Variants in CLOCK observed in about 807,000 individuals in gnomAD.
The protein encoded by CLOCK is circadian locomoter output cycles protein kaput.
Under a neutral mutation model 118.4 loss-of-function variants are expected in CLOCK, and 43 were observed. The observed-to-expected ratio is 0.36, with a 90% CI of 0.28 to 0.47. The LOEUF (loss-of-function observed/expected upper bound fraction) is 0.47. Among genes scored for constraint, CLOCK ranks in the 20% least tolerant of loss-of-function variants. The pLI is 1.00. For synonymous variants in CLOCK, 326 were observed against 339.2 expected (o/e 0.96, Z 0.43); for missense variants, 846 against 999.9 (o/e 0.85, Z 2.08).
intron 1 of CLOCK, among the ~76,000 whole-genome samples, chr4:55,518,235 A>C (rs1308034806): frequency 1.3e-5 from 2 of 152,178 alleles, no homozygotes; most frequent in African/African-American, 4.8e-5. Flanking sequence ...AAGGAGACAA[A>C]GCAAACGTGA....
At chr4:55,511,140 G>GA (rs1237908085) in intron 1 of CLOCK, among the ~76,000 whole-genome samples, 1 of 152,084 alleles carries the variant, frequency 6.6e-6, no homozygotes, top group Non-Finnish European at 1.5e-5. Flanking sequence ...TGCAGAATGA[G>GA]AAAAAAGTCT....
intron 1 of CLOCK, among the ~76,000 whole-genome samples, chr4:55,519,115 AATC>A (rs1262821677): frequency 6.6e-6 from 1 of 152,024 alleles, no homozygotes; most frequent in Non-Finnish European, 1.5e-5. Flanking sequence ...GCAATGGAGC[AATC>A]ATAATTGACT....
At chr4:55,511,245 CACA>C (rs1163354362) in intron 1 of CLOCK, among the ~76,000 whole-genome samples, 2 of 151,936 alleles carry the variant, frequency 1.3e-5, no homozygotes, top group Non-Finnish European at 2.9e-5. Context: ...ATTCAATCCT[CACA>C]ACATCACTAT....
intron 2 of CLOCK, among the ~76,000 whole-genome samples, chr4:55,503,325 A>G (rs1224756960): frequency 2.0e-5 from 3 of 152,246 alleles, no homozygotes; most frequent in Non-Finnish European, 4.4e-5. Flanking sequence ...AAGATGAACC[A>G]CTGCTACATG....
rs749480764 is a variant in CLOCK at position 55,442,488 on chromosome 4, T to C, written c.2049A>G (p.Pro683=). The part of the protein sequence containing the change: ...GSMVQIPSSM[P]QNSTQSAAVT... ...CTGCAGCACTCTGGGTGCTGTTTTG[T>C]GGCATACTAGATGGAATCTGGACCA... Residue 683 remains proline, a synonymous_variant, in exon 21 of 23, where the codon CCA becomes CCG. Coordinates refer to ENST00000513440, the MANE Select transcript of CLOCK (RefSeq NM_004898.4). 6 of 1,606,356 alleles carry C rather than the reference T, an allele frequency of 3.7e-6. No individual in the cohort carries two copies.
chr4:55,444,038 A>T, intron 19 of CLOCK, 142 bp from the exon 20 acceptor site: 1 of 658,604 alleles, frequency 1.5e-6, no homozygotes, highest in Non-Finnish European at 2.6e-6. Flanking sequence ...TTAGCAATAA[A>T]TAAGTAGTGA....
rs568599459 is a variant in CLOCK, at chr4:55,521,312, G to A, written c.-289-11247C>T. On this transcript the variant is annotated intron_variant, in intron 1 of 22. Transcript: ENST00000513440. The stretch of plus-strand genomic sequence containing the variant: ...CAGCTCACTGCAACCCACACCTCCT[G>A]GGTTCAAGCGATTCTCCTGCCTCAG... Among the ~76,000 whole-genome samples the A allele has an allele frequency of 5.9e-5, 9 of 152,190 alleles. No individual in the cohort carries two copies. In the East Asian group the frequency reaches 1.2e-3, roughly 20 times the overall value.
chr4:55,506,787 C>T (rs1350675728), intron 2 of CLOCK, among the ~76,000 whole-genome samples: 2 of 152,086 alleles, frequency 1.3e-5, no homozygotes, highest in Non-Finnish European at 2.9e-5. Context: ...TCTCAAACTC[C>T]TGACCACAGG....
chr4:55,470,675 G>A, intron 8 of CLOCK, 42 bp downstream of exon 8: 1 of 1,322,304 alleles, frequency 7.6e-7, no homozygotes. Context: ...ATTTAAAATA[G>A]GCATTTTAAT....
At chr4:55,457,076 T>G (rs1339140788) in intron 11 of CLOCK, among the ~76,000 whole-genome samples, 1 of 152,248 alleles carries the variant, frequency 6.6e-6, no homozygotes, top group Admixed American at 6.5e-5. Context: ...CTTCTCACTC[T>G]ACACATTTTC....
chr4:55,470,745 C>T lies in CLOCK; in HGVS notation c.410G>A (p.Ser137Asn), dbSNP rs754677863. The change falls in exon 8 of 23, where the codon AGT becomes AAT. Residue 137 changes from serine to asparagine, a missense_variant. Ser to Asn is a conservative substitution (Grantham distance 46). Around this residue, in one of 4 missense-constraint regions of CLOCK, gnomAD observed 246 missense variants for 300.2 expected, o/e 0.82. Transcript: ENST00000513440. ...TDGSIIYVSE[S>N]VTSLLEHLPS... Reference sequence around the variant, plus strand: ...TAAATGTTCAAGTAATGAAGTTACACTCTCAGACACATATATTATGCTTCC... The same window carrying T: ...TAAATGTTCAAGTAATGAAGTTACATTCTCAGACACATATATTATGCTTCC... 4 of 1,610,288 alleles carry T rather than the reference C, an allele frequency of 2.5e-6. No homozygotes were observed. In the South Asian group the frequency reaches 3.3e-5, roughly 13 times the overall value.
At chr4:55,484,185 A>G (rs1161302633) in intron 3 of CLOCK, among the ~76,000 whole-genome samples, 2 of 131,610 alleles carry the variant, frequency 1.5e-5, no homozygotes, top group Admixed American at 8.3e-5. Flanking sequence ...GGGGCTCAGA[A>G]TATTTTTTTT....
At chr4:55,474,972 G>T (rs191803291) in intron 7 of CLOCK, among the ~76,000 whole-genome samples, 1 of 152,308 alleles carries the variant, frequency 6.6e-6, no homozygotes, top group Non-Finnish European at 1.5e-5. Context: ...GAATAATTTT[G>T]ACTTTCAAGT....
chr4:55,458,172 T>C (rs1554484), intron 11 of CLOCK, among the ~76,000 whole-genome samples: 51,372 of 152,082 alleles, frequency 0.34, 9,374 homozygotes, highest in East Asian at 0.58. Flanking sequence ...ATGATCCTCC[T>C]GCCTCAGCCT....
chr4:55,524,805 G>A (rs1730066431), intron 1 of CLOCK, among the ~76,000 whole-genome samples: 1 of 152,042 alleles, frequency 6.6e-6, no homozygotes, highest in African/African-American at 2.4e-5. Flanking sequence ...TTGCCATAAT[G>A]AGCAGAAATG....
chr4:55,444,272 A>C (rs994840534), intron 19 of CLOCK, among the ~76,000 whole-genome samples: 2 of 152,212 alleles, frequency 1.3e-5, no homozygotes, highest in African/African-American at 4.8e-5. Context: ...TTTGAATCAT[A>C]CATACTGGTA....
chr4:55,503,249 T>C (rs182047429), intron 2 of CLOCK, among the ~76,000 whole-genome samples: 1 of 152,256 alleles, frequency 6.6e-6, no homozygotes, highest in African/African-American at 2.4e-5. Context: ...ACACCCCAAA[T>C]GTTCATCACA....
Position 55,445,582 on chromosome 4 carries a change from C to CTTTTTTTTTTTTTTTTTTTTTTTT in CLOCK, c.1540-821_1540-798dup, listed in dbSNP as rs56157186. Among the ~76,000 whole-genome samples the CTTTTTTTTTTTTTTTTTTTTTTTT allele has an allele frequency of 9.3e-4, 64 of 68,594 alleles. 11 individuals are homozygous for CTTTTTTTTTTTTTTTTTTTTTTTT. The highest frequency in any genetic ancestry group is 1.1e-3 in the Non-Finnish European group (42 of 36,620). 45.0% of individuals were successfully genotyped at this position (68,594 alleles called of 152,430 possible). ...TCTCTGCATCTGCTATTTCTATATT[C>CTTTTTTTTTTTTTTTTTTTTTTTT]TTTTTTTTTTTTTTTTTTTTTTTTT... On this transcript the variant is annotated intron_variant, in intron 18 of 22. Coordinates refer to ENST00000513440, the MANE Select transcript of CLOCK (RefSeq NM_004898.4).
intron 1 of CLOCK, among the ~76,000 whole-genome samples, chr4:55,544,344 T>C (rs975506871): frequency 6.6e-6 from 1 of 152,148 alleles, no homozygotes. Flanking sequence ...TTGTTTGTCA[T>C]GAAACTTTGG....
Sources: allele counts gnomAD v4.1 joint callset (sites outside exome capture counted in the v4.1 genomes callset), GRCh38; gene constraint gnomAD v4.1.1; regional missense constraint gnomAD v4.1.1; transcripts MANE v1.5; gene names NCBI Gene and HGNC (gene_info 2026-07-23, HGNC 2026-07-21).